The following GNAQ variants were observed in gnomAD, a reference collection of about 807,000 sequenced individuals.
The protein encoded by GNAQ is G protein subunit alpha q.
GNAQ carries 8 observed loss-of-function variants against 43.9 expected under a neutral mutation model. The observed-to-expected ratio is 0.18, with a 90% CI of 0.11 to 0.33. The LOEUF (loss-of-function observed/expected upper bound fraction) is 0.33. Ranked by LOEUF, GNAQ falls within the 10% of genes least tolerant of loss-of-function variation. The pLI, the probability that GNAQ is intolerant of heterozygous loss-of-function variation, is 1.00. For missense variants in GNAQ, 158 were observed against 450.8 expected, an observed-to-expected ratio of 0.35 and a Z score of 5.88; for synonymous variants, 155 against 170.7, an observed-to-expected ratio of 0.91 and a Z score of 0.71.
chr9:77,805,313 T>G (rs531007945), intron 3 of GNAQ, among the ~76,000 whole-genome samples: 31 of 152,298 alleles, frequency 2.0e-4, no homozygotes, highest in African/African-American at 7.2e-4. Context: ...GCAAATCAAC[T>G]TTCCTTTTTC....
intron 2 of GNAQ, among the ~76,000 whole-genome samples, chr9:77,898,680 A>C (rs1828543899): frequency 2.0e-5 from 3 of 152,200 alleles, no homozygotes; most frequent in African/African-American, 2.4e-5. Context: ...AAGAGTAGAG[A>C]ATACAATTTA....
chr9:77,727,923 A>G (rs2118214838), intron 6 of GNAQ, among the ~76,000 whole-genome samples: 1 of 152,296 alleles, frequency 6.6e-6, no homozygotes. Context: ...AGGGGACTAT[A>G]AGAGTTAATA....
chr9:77,816,385 T>TACCAGATTGAGTACA (rs1827015761), intron 2 of GNAQ, among the ~76,000 whole-genome samples: 1 of 152,204 alleles, frequency 6.6e-6, no homozygotes, highest in South Asian at 2.1e-4. Context: ...GTATCTGCCT[T>TACCAGATTGAGTACA]ATCTATATTA....
chr9:77,811,556 G>C (rs1037978617), intron 3 of GNAQ, among the ~76,000 whole-genome samples: 3 of 152,156 alleles, frequency 2.0e-5, no homozygotes, highest in Non-Finnish European at 4.4e-5. Flanking sequence ...ATCTTTGCCA[G>C]TGCTGTCGTA....
intron 2 of GNAQ, among the ~76,000 whole-genome samples, chr9:77,894,725 T>C (rs1157623244): frequency 6.6e-6 from 1 of 151,610 alleles, no homozygotes; most frequent in Non-Finnish European, 1.5e-5. Context: ...CAGCCTTTAA[T>C]GGAATGTTTT....
chr9:77,776,097 A>G (rs776587529), intron 5 of GNAQ, among the ~76,000 whole-genome samples: 3 of 152,210 alleles, frequency 2.0e-5, no homozygotes, highest in Non-Finnish European at 4.4e-5. Context: ...GCAACAACAT[A>G]ACATTTATTC....
At chr9:78,026,354 G>A (rs1254792633) in intron 1 of GNAQ, among the ~76,000 whole-genome samples, 1 of 152,100 alleles carries the variant, frequency 6.6e-6, no homozygotes, top group Non-Finnish European at 1.5e-5. Context: ...CCACAGTTTT[G>A]ATTTTTATGA....
At chr9:77,733,649 C>T (rs1033677338) in intron 5 of GNAQ, among the ~76,000 whole-genome samples, 3 of 152,192 alleles carry the variant, frequency 2.0e-5, no homozygotes, top group African/African-American at 2.4e-5. Context: ...AGTTTGCCAA[C>T]GGTTCAGTGG....
At chr9:77,860,788 T>C (rs1827837967) in intron 2 of GNAQ, among the ~76,000 whole-genome samples, 3 of 152,178 alleles carry the variant, frequency 2.0e-5, no homozygotes, top group South Asian at 4.1e-4. Context: ...GGCTCTTCCG[T>C]GGAGGTTGCC....
At chr9:77,821,724 G>GGGGGGTGTGTGTGTGT (rs201504418) in intron 2 of GNAQ, among the ~76,000 whole-genome samples, 1 of 142,308 alleles carries the variant, frequency 7.0e-6, no homozygotes, top group African/African-American at 2.7e-5. Context: ...TCCTAGTATG[G>GGGGGGTGTGTGTGTGT]GTGTGTGTGT....
intron 1 of GNAQ, among the ~76,000 whole-genome samples, chr9:77,943,151 T>C (rs921233027): frequency 1.3e-5 from 2 of 152,240 alleles, no homozygotes; most frequent in Non-Finnish European, 2.9e-5. Context: ...AACCCATTTC[T>C]GACCTCAAAA....
At chr9:77,903,482 C>T (rs1828645846) in intron 2 of GNAQ, among the ~76,000 whole-genome samples, 1 of 152,088 alleles carries the variant, frequency 6.6e-6, no homozygotes, top group Admixed American at 6.6e-5. Context: ...AAAGGAAGAT[C>T]CTAGAACATC....
rs1404354643 is a variant in GNAQ at position 77,717,134 on chromosome 9, A to T, written c.*4189T>A. On this transcript the variant is annotated 3_prime_UTR_variant, in exon 7 of 7. Transcript: ENST00000286548. ...CAGGACAGATCTATTAACGCTACAT[A>T]TGCTGGAAATATGTAGAGATAGATA... is the stretch of plus-strand genomic sequence containing the variant. 2 of 232,332 alleles carry T rather than the reference A, an allele frequency of 8.6e-6. No individual in the cohort carries two copies. Among genetic ancestry groups the T allele is most frequent in the Non-Finnish European group, 1.7e-5 (2 of 117,566 alleles). 14.4% of individuals were successfully genotyped at this position (232,332 alleles called of 1,614,324 possible).
Position 77,720,291 on chromosome 9 carries a change from T to C in GNAQ, c.*1032A>G. The C allele has an allele frequency of 4.3e-6, 1 of 233,548 alleles. No homozygotes were observed. The highest frequency in any genetic ancestry group is 8.5e-6 in the Non-Finnish European group (1 of 117,952). 14.5% of individuals were successfully genotyped at this position (233,548 alleles called of 1,614,324 possible). A position where few individuals can be genotyped will look rare whatever the true frequency, so the allele number is the denominator to read the frequency against. ...TACCAGCTTTTATTTTTTAAGTTCG[T>C]ATTCATTTTATTTGACAAAAAGCCA... is the stretch of plus-strand genomic sequence containing the variant. On this transcript the variant is annotated 3_prime_UTR_variant, in exon 7 of 7. Coordinates refer to ENST00000286548, the MANE Select transcript of GNAQ (RefSeq NM_002072.5).
chr9:77,815,185 C>T (rs964368357), intron 3 of GNAQ, among the ~76,000 whole-genome samples: 4 of 152,128 alleles, frequency 2.6e-5, no homozygotes, highest in African/African-American at 7.2e-5. Flanking sequence ...TTTTAAGAAG[C>T]CATAATCAAA....
intron 1 of GNAQ, among the ~76,000 whole-genome samples, chr9:77,959,544 A>C (rs1823082310): frequency 6.6e-6 from 1 of 152,184 alleles, no homozygotes; most frequent in Admixed American, 6.5e-5. Context: ...ATCATTTGCA[A>C]ATTTCAATCT....
intron 2 of GNAQ, among the ~76,000 whole-genome samples, chr9:77,918,235 C>T (rs1828943564): frequency 6.6e-6 from 1 of 152,258 alleles, no homozygotes; most frequent in South Asian, 2.1e-4. Flanking sequence ...AAAGCAAGTA[C>T]AAAGTTATGC....
At chr9:78,017,973 CTG>C (rs1049613482) in intron 1 of GNAQ, among the ~76,000 whole-genome samples, 102 of 152,166 alleles carry the variant, frequency 6.7e-4, no homozygotes, top group East Asian at 7.7e-4. Context: ...ATGCTGGAAA[CTG>C]TATACAATCG....
Position 77,726,014 on chromosome 9 carries a change from G to A in GNAQ, c.889+2500C>T, listed in dbSNP as rs112648908. Among the ~76,000 whole-genome samples the A allele has an allele frequency of 2.5e-3, 367 of 146,686 alleles. 4 individuals carry two copies. Among genetic ancestry groups the A allele is most frequent in the African/African-American group, 8.6e-3 (315 of 36,830 alleles). On this transcript the variant is annotated intron_variant, in intron 6 of 6. Coordinates refer to ENST00000286548, the MANE Select transcript of GNAQ (RefSeq NM_002072.5). ...TCCAAGAAAAATTAAGAAGAACCTC[G>A]AGTGTGTGTGTGTGTGTGGCAGGCA... is the stretch of plus-strand genomic sequence containing the variant.
Sources: allele counts gnomAD v4.1 joint callset (sites outside exome capture counted in the v4.1 genomes callset), GRCh38; gene constraint gnomAD v4.1.1; transcripts MANE v1.5; gene names NCBI Gene and HGNC (gene_info 2026-07-23, HGNC 2026-07-21).